Variants in SLC22A15 observed in about 807,000 individuals in gnomAD.
The protein encoded by SLC22A15 is flipt 1.
A neutral mutation model predicts 62.7 loss-of-function variants in SLC22A15; 45 were observed. That is an observed-to-expected ratio of 0.72 (90% confidence interval 0.56 to 0.92). The LOEUF is 0.92. SLC22A15 is among the 40% of genes least tolerant of loss of function. SLC22A15 has a pLI of 0.00. For synonymous variants in SLC22A15, 264 were observed against 267.0 expected (o/e 0.99, Z 0.11); for missense variants, 622 against 665.6 (o/e 0.93, Z 0.72).
At chr1:115,992,654 C>A (rs1368412182) in intron 2 of SLC22A15, among the ~76,000 whole-genome samples, 1 of 135,286 alleles carries the variant, frequency 7.4e-6, no homozygotes, top group Non-Finnish European at 1.6e-5. Context: ...CGGAGTCTTG[C>A]TTTGTTGCCC....
At chr1:116,054,610 T>C (rs1426278680) in intron 8 of SLC22A15, among the ~76,000 whole-genome samples, 4 of 152,228 alleles carry the variant, frequency 2.6e-5, no homozygotes, top group South Asian at 2.1e-4. Context: ...TACATTTTTT[T>C]GAGCACCACA....
chr1:116,033,559 G>C (rs796967623), intron 6 of SLC22A15, among the ~76,000 whole-genome samples: 1 of 75,184 alleles, frequency 1.3e-5, no homozygotes, highest in African/African-American at 5.3e-5. Flanking sequence ...GGGTGTCTCT[G>C]TGTGTGTGTG....
chr1:116,052,826 A>G (rs1364652833), intron 8 of SLC22A15, among the ~76,000 whole-genome samples: 1 of 152,224 alleles, frequency 6.6e-6, no homozygotes, highest in African/African-American at 2.4e-5. Flanking sequence ...GCAAACTCCA[A>G]CAGACCTGCA....
chr1:116,041,597 T>C (rs1235367488), intron 8 of SLC22A15, among the ~76,000 whole-genome samples: 1 of 152,134 alleles, frequency 6.6e-6, no homozygotes, highest in Non-Finnish European at 1.5e-5. Context: ...CAAACCACAG[T>C]GCAGGGAAGG....
intron 8 of SLC22A15, among the ~76,000 whole-genome samples, chr1:116,040,306 G>A (rs1657744033): frequency 6.6e-6 from 1 of 152,128 alleles, no homozygotes; most frequent in Non-Finnish European, 1.5e-5. Context: ...TTAGCAGGTG[G>A]CCACTAATGT....
intron 6 of SLC22A15, chr1:116,032,303 A>G (rs1415675858): frequency 6.1e-6 from 6 of 985,300 alleles, no homozygotes; most frequent in South Asian, 4.7e-5. Context: ...GGATGGGTGC[A>G]TACAATTTGT....
rs1280451437 is a variant in SLC22A15 at position 116,069,429 on chromosome 1, G to A, written c.*2321G>A. 1 of 152,076 alleles carries A rather than the reference G, an allele frequency of 6.6e-6. No homozygotes were observed. The highest frequency in any genetic ancestry group is 2.4e-5 in the African/African-American group (1 of 41,414). The allele number at this position is 152,076 out of a possible 1,614,324, so 9.4% of individuals were successfully genotyped here. On this transcript the variant is annotated 3_prime_UTR_variant, in exon 12 of 12. Coordinates refer to ENST00000369503, the MANE Select transcript of SLC22A15 (RefSeq NM_018420.3). ...CATTGACAGGTAATGTATTTTGGTT[G>A]TGCGGATGGTTTGTAAAAAGTATCC...
chr1:116,037,632 A>C (rs1248563668), intron 8 of SLC22A15: 1 of 391,344 alleles, frequency 2.6e-6, no homozygotes, highest in Non-Finnish European at 4.7e-6. Context: ...GGTGACTGAG[A>C]TGTAGTATTG....
chr1:116,045,792 C>T (rs1001180285), intron 8 of SLC22A15, among the ~76,000 whole-genome samples: 1 of 145,004 alleles, frequency 6.9e-6, no homozygotes, highest in African/African-American at 2.5e-5. Context: ...CAAGACAGTA[C>T]AGTATTGGCA....
chr1:115,995,492 C>CT (rs1349202533), intron 2 of SLC22A15, among the ~76,000 whole-genome samples: 26 of 152,120 alleles, frequency 1.7e-4, no homozygotes, highest in Non-Finnish European at 3.5e-4. Flanking sequence ...CGCAGGTGAT[C>CT]TCCCCTCCTT....
chr1:116,003,840 A>G (rs112192731), intron 2 of SLC22A15, among the ~76,000 whole-genome samples: 59 of 152,294 alleles, frequency 3.9e-4, no homozygotes, highest in African/African-American at 1.3e-3. Flanking sequence ...AACTCACCCA[A>G]TTGTCCCAAA....
intron 6 of SLC22A15, 136 bp downstream of exon 6, chr1:116,031,717 C>G (rs1289888142): frequency 6.8e-7 from 1 of 1,460,618 alleles, no homozygotes. Flanking sequence ...AACAGCAAGT[C>G]TCCTGATCCT....
At chr1:116,009,938 C>T (rs1028000287) in intron 2 of SLC22A15, among the ~76,000 whole-genome samples, 1 of 152,154 alleles carries the variant, frequency 6.6e-6, no homozygotes, top group Non-Finnish European at 1.5e-5. Flanking sequence ...GTTAAAAACA[C>T]ACATTTTTAA....
chr1:116,004,713 C>A (rs1570714590), intron 2 of SLC22A15, among the ~76,000 whole-genome samples: 2 of 152,126 alleles, frequency 1.3e-5, no homozygotes, highest in East Asian at 3.9e-4. Flanking sequence ...GAAAGTGTTC[C>A]CTTCTTTTAT....
chr1:115,992,847 G>A lies in SLC22A15; in HGVS notation c.300+604G>A, dbSNP rs376720247. ...CACCATGTTGACCAGGCTGCTCTTGGACTCCTGACTCAGGTGATCCACCCA... is the reference window on the plus strand; with the variant it reads ...CACCATGTTGACCAGGCTGCTCTTGAACTCCTGACTCAGGTGATCCACCCA... On this transcript the variant is annotated intron_variant, in intron 2 of 11. Transcript: ENST00000369503. Among the ~76,000 whole-genome samples, 4 of 151,772 alleles carry A rather than the reference G, an allele frequency of 2.6e-5. No individual in the cohort carries two copies. The East Asian group carries it at 5.8e-4, about 22-fold the overall frequency.
intron 8 of SLC22A15, among the ~76,000 whole-genome samples, chr1:116,040,777 CA>C (rs1299067449): frequency 6.6e-6 from 1 of 152,098 alleles, no homozygotes. Flanking sequence ...CCAGCCATGC[CA>C]GGCTAATTTT....
At chr1:116,037,558 C>G in intron 8 of SLC22A15, 170 bp downstream of exon 8, 1 of 599,110 alleles carries the variant, frequency 1.7e-6, no homozygotes, top group South Asian at 2.0e-5. Context: ...CAGCTATTCT[C>G]TGGGTGAATA....
In SLC22A15 at chr1:116,012,132, T is replaced by C. The variant is rs554837195; in HGVS notation, c.301-7450T>C. Among the ~76,000 whole-genome samples the C allele has an allele frequency of 2.0e-5, 3 of 152,326 alleles. No homozygotes were observed. In the East Asian group the frequency reaches 5.8e-4, roughly 29 times the overall value. ...GTGGTTTGTGATTATAGCATGTTTT[T>C]CAACTATTATTCCATGAAATGTCAC... On this transcript the variant is annotated intron_variant, in intron 2 of 11. Transcript: ENST00000369503.
intron 2 of SLC22A15, 102 bp downstream of exon 2, chr1:115,992,345 T>A: frequency 9.9e-7 from 1 of 1,009,398 alleles, no homozygotes; most frequent in Non-Finnish European, 1.5e-6. Context: ...CATTTTCAAA[T>A]AACTTTCTAG....
Sources: allele counts gnomAD v4.1 joint callset (sites outside exome capture counted in the v4.1 genomes callset), GRCh38; gene constraint gnomAD v4.1.1; transcripts MANE v1.5; gene names NCBI Gene and HGNC (gene_info 2026-07-23, HGNC 2026-07-21).